Variants in PXDNL observed in about 807,000 individuals in gnomAD.
PXDNL encodes peroxidasin like, also known as probable oxidoreductase PXDNL.
In PXDNL, 145 loss-of-function variants were observed where a neutral mutation model predicts 150.8. The observed-to-expected ratio is 0.96, with a 90% CI of 0.84 to 1.10. The LOEUF (loss-of-function observed/expected upper bound fraction) is 1.10, where lower values mean the gene tolerates loss of function less well. Among genes scored for constraint, PXDNL ranks in the 50% least tolerant of loss-of-function variants. The pLI, the probability that PXDNL is intolerant of heterozygous loss-of-function variation, is 0.00. For synonymous variants in PXDNL, 757 were observed against 725.7 expected (o/e 1.04, Z -0.69); for missense variants, 2,087 against 1,873.9 (o/e 1.11, Z -2.10).
intron 1 of PXDNL, among the ~76,000 whole-genome samples, chr8:51,808,110 T>C (rs968584577): frequency 7.2e-5 from 11 of 152,358 alleles, no homozygotes; most frequent in Middle Eastern, 3.4e-3. Flanking sequence ...GGACTTTTTA[T>C]TACCAAGTCC....
At chr8:51,772,212 CTCTCTCTT>C (rs1243840502) in intron 1 of PXDNL, among the ~76,000 whole-genome samples, 3 of 148,128 alleles carry the variant, frequency 2.0e-5, no homozygotes, top group African/African-American at 7.6e-5. Context: ...CTGTCTCTGT[CTCTCTCTT>C]TCTCTCTCTC....
chr8:51,458,406 ATT>A (rs35456821), intron 8 of PXDNL, among the ~76,000 whole-genome samples: 2 of 152,074 alleles, frequency 1.3e-5, no homozygotes, highest in Non-Finnish European at 2.9e-5. Flanking sequence ...ATGTTTACAG[ATT>A]TTTTTTCTGG....
At chr8:51,455,112 T>A (rs1383133915) in intron 9 of PXDNL, among the ~76,000 whole-genome samples, 2 of 15,850 alleles carry the variant, frequency 1.3e-4, no homozygotes, top group Non-Finnish European at 8.8e-4. Flanking sequence ...CGAGACTCCG[T>A]CTCAAAAAAA....
At chr8:51,700,695 TAC>T (rs937222957) in intron 1 of PXDNL, among the ~76,000 whole-genome samples, 2 of 151,180 alleles carry the variant, frequency 1.3e-5, no homozygotes, top group African/African-American at 2.4e-5. Context: ...TGCATACACA[TAC>T]ACACAGACAC....
intron 19 of PXDNL, among the ~76,000 whole-genome samples, chr8:51,367,682 A>T (rs1806963779): frequency 6.6e-6 from 1 of 152,246 alleles, no homozygotes. Context: ...TTTTAAAGGA[A>T]TTACTTATAT....
At chr8:51,469,619 G>GGGAGTAGAAAAGGA in intron 8 of PXDNL, among the ~76,000 whole-genome samples, 1 of 151,962 alleles carries the variant, frequency 6.6e-6, no homozygotes, top group Non-Finnish European at 1.5e-5. Flanking sequence ...TCCTCTCCAG[G>GGGAGTAGAAAAGGA]GGAGTAGAAA....
At chr8:51,529,559 G>T (rs183538892) in intron 4 of PXDNL, among the ~76,000 whole-genome samples, 1 of 152,134 alleles carries the variant, frequency 6.6e-6, no homozygotes, top group African/African-American at 2.4e-5. Flanking sequence ...GGTGAATTGG[G>T]ATTCAAACAT....
chr8:51,710,368 A>T (rs1356437547), intron 1 of PXDNL, among the ~76,000 whole-genome samples: 2 of 152,218 alleles, frequency 1.3e-5, no homozygotes, highest in Non-Finnish European at 2.9e-5. Flanking sequence ...ATGCTTTGAT[A>T]TATGTATATA....
intron 2 of PXDNL, among the ~76,000 whole-genome samples, chr8:51,643,966 G>A (rs1814841452): frequency 6.6e-6 from 1 of 151,670 alleles, no homozygotes; most frequent in Admixed American, 6.6e-5. Flanking sequence ...CCAACGTGGT[G>A]AAGCCCCATC....
intron 3 of PXDNL, among the ~76,000 whole-genome samples, chr8:51,572,467 G>A (rs1019169893): frequency 3.3e-5 from 5 of 151,886 alleles, no homozygotes; most frequent in Non-Finnish European, 7.4e-5. Context: ...AAACGAAGGT[G>A]AAAATACTGA....
chr8:51,602,529 T>C (rs1813745123), intron 2 of PXDNL, among the ~76,000 whole-genome samples: 1 of 151,980 alleles, frequency 6.6e-6, no homozygotes, highest in Admixed American at 6.6e-5. Flanking sequence ...AAAAAGCAGA[T>C]TTACATGTTA....
At chr8:51,346,539 A>T (rs535716790) in intron 19 of PXDNL, among the ~76,000 whole-genome samples, 1 of 152,344 alleles carries the variant, frequency 6.6e-6, no homozygotes, top group East Asian at 1.9e-4. Flanking sequence ...GTGGTCTCTG[A>T]TATAGTACGG....
intron 1 of PXDNL, among the ~76,000 whole-genome samples, chr8:51,700,189 AC>A (rs1816223356): frequency 4.3e-5 from 5 of 116,662 alleles, no homozygotes; most frequent in South Asian, 4.9e-4. Context: ...ACACACACAC[AC>A]ACACACCATC....
chr8:51,727,077 G>A (rs866597293), intron 1 of PXDNL, among the ~76,000 whole-genome samples: 2 of 152,304 alleles, frequency 1.3e-5, no homozygotes, highest in African/African-American at 2.4e-5. Context: ...CTTATAAGAT[G>A]ACACCAATAT....
At chr8:51,349,177 GT>G (rs766702412) in intron 19 of PXDNL, among the ~76,000 whole-genome samples, 12 of 47,916 alleles carry the variant, frequency 2.5e-4, no homozygotes, top group South Asian at 1.4e-3. Flanking sequence ...GTGTGTGGGG[GT>G]GTGTGTGTGT....
rs113613366 is a variant in PXDNL, at chr8:51,481,686, C to T, written c.524+1957G>A. Among the ~76,000 whole-genome samples the T allele has an allele frequency of 6.4e-3, 982 of 152,270 alleles. 15 individuals carry two copies. Among genetic ancestry groups the T allele is most frequent in the African/African-American group, 0.023 (944 of 41,544 alleles). The stretch of plus-strand genomic sequence containing the variant: ...GTTTCTGAACATGGTGCCCTGCATC[C>T]CAGCTGTTTCAGCTCTAGCCATGAC... On this transcript the variant is annotated intron_variant, in intron 6 of 22. Coordinates refer to ENST00000356297, the MANE Select transcript of PXDNL (RefSeq NM_144651.5).
chr8:51,578,375 C>G (rs1323376240), intron 3 of PXDNL, among the ~76,000 whole-genome samples: 1 of 151,874 alleles, frequency 6.6e-6, no homozygotes, highest in Non-Finnish European at 1.5e-5. Context: ...AAGCAATACT[C>G]TTTGCAGTCA....
chr8:51,588,582 T>C (rs927699211), intron 3 of PXDNL, among the ~76,000 whole-genome samples: 1 of 152,258 alleles, frequency 6.6e-6, no homozygotes. Context: ...ACATCTGTCT[T>C]ATTCAAAATT....
intron 2 of PXDNL, among the ~76,000 whole-genome samples, chr8:51,621,943 C>CAAAAAA (rs71237221): frequency 7.8e-6 from 1 of 128,200 alleles, no homozygotes; most frequent in Non-Finnish European, 1.7e-5. Flanking sequence ...GACCCTGTCT[C>CAAAAAA]AAAAAAAAAA....
Sources: allele counts gnomAD v4.1 joint callset (sites outside exome capture counted in the v4.1 genomes callset), GRCh38; gene constraint gnomAD v4.1.1; transcripts MANE v1.5; gene names NCBI Gene and HGNC (gene_info 2026-07-23, HGNC 2026-07-21).